Variants in AUTS2 observed in about 807,000 individuals in gnomAD.
AUTS2 encodes activator of transcription and developmental regulator AUTS2, also known as autism susceptibility gene 2 protein.
A neutral mutation model predicts 112.4 loss-of-function variants in AUTS2; 17 were observed. The ratio of observed to expected loss-of-function variants is 0.15; its 90% confidence interval spans 0.10 to 0.23. The LOEUF is 0.23. Among genes scored for constraint, AUTS2 ranks in the 10% least tolerant of loss-of-function variants. AUTS2 has a pLI of 1.00. For synonymous variants in AUTS2, 751 were observed against 702.7 expected (o/e 1.07, Z -1.09); for missense variants, 1,510 against 1,701.6 (o/e 0.89, Z 1.98).
At chr7:70,345,303 C>A (rs940889658) in intron 4 of AUTS2, among the ~76,000 whole-genome samples, 7 of 152,204 alleles carry the variant, frequency 4.6e-5, no homozygotes, top group African/African-American at 1.7e-4. Flanking sequence ...GCCATAACTT[C>A]CTATGACAGA....
chr7:70,183,443 C>A (rs527980968), intron 4 of AUTS2, among the ~76,000 whole-genome samples: 1 of 152,334 alleles, frequency 6.6e-6, no homozygotes. Flanking sequence ...TATTGCATTT[C>A]TTATCCTGGA....
At chr7:69,986,251 C>T (rs1798510859) in intron 2 of AUTS2, among the ~76,000 whole-genome samples, 1 of 152,162 alleles carries the variant, frequency 6.6e-6, no homozygotes, top group South Asian at 2.1e-4. Context: ...GTTACATCCC[C>T]AGCACCTAGT....
chr7:69,742,833 A>G (rs963101758), intron 1 of AUTS2, among the ~76,000 whole-genome samples: 1 of 152,164 alleles, frequency 6.6e-6, no homozygotes, highest in Non-Finnish European at 1.5e-5. Context: ...TGTGGTAATT[A>G]TTTGTTGCCT....
At chr7:69,969,705 T>G (rs1320446124) in intron 2 of AUTS2, among the ~76,000 whole-genome samples, 1 of 152,190 alleles carries the variant, frequency 6.6e-6, no homozygotes, top group Non-Finnish European at 1.5e-5. Flanking sequence ...AAGCCATTCT[T>G]ACAAAGGCTT....
chr7:70,061,830 C>T (rs951550489), intron 2 of AUTS2, among the ~76,000 whole-genome samples: 2 of 151,468 alleles, frequency 1.3e-5, no homozygotes, highest in Non-Finnish European at 2.9e-5. Flanking sequence ...TCTTGTTGCC[C>T]AGGCTGGACT....
At chr7:70,072,054 A>G (rs1802797533) in intron 2 of AUTS2, among the ~76,000 whole-genome samples, 1 of 152,226 alleles carries the variant, frequency 6.6e-6, no homozygotes, top group Non-Finnish European at 1.5e-5. Flanking sequence ...CTCTTATAGA[A>G]TTGGGAGAGA....
At chr7:70,208,239 A>G (rs1810678849) in intron 4 of AUTS2, among the ~76,000 whole-genome samples, 1 of 152,184 alleles carries the variant, frequency 6.6e-6, no homozygotes, top group Admixed American at 6.5e-5. Context: ...GGTGTATTCA[A>G]AATAAACTAC....
chr7:70,393,673 C>T (rs1793963642), intron 4 of AUTS2, among the ~76,000 whole-genome samples: 1 of 152,114 alleles, frequency 6.6e-6, no homozygotes, highest in Non-Finnish European at 1.5e-5. Context: ...TGCTCTTAGC[C>T]AGCCACCCAT....
chr7:70,080,525 A>C (rs974306703), intron 2 of AUTS2, among the ~76,000 whole-genome samples: 10 of 152,254 alleles, frequency 6.6e-5, no homozygotes, highest in Admixed American at 3.3e-4. Context: ...AGTAAAGTTT[A>C]GCATGTACTT....
At chr7:69,739,754 T>G (rs1787186168) in intron 1 of AUTS2, among the ~76,000 whole-genome samples, 1 of 152,216 alleles carries the variant, frequency 6.6e-6, no homozygotes, top group Admixed American at 6.5e-5. Flanking sequence ...AGGCTTTAAC[T>G]ATCAGATTTG....
chr7:69,760,568 A>C (rs1378083208), intron 1 of AUTS2, among the ~76,000 whole-genome samples: 1 of 152,078 alleles, frequency 6.6e-6, no homozygotes, highest in East Asian at 1.9e-4. Flanking sequence ...TCACGCCTGT[A>C]ATCCTAGCAC....
intron 5 of AUTS2, among the ~76,000 whole-genome samples, chr7:70,494,388 G>A (rs1012477450): frequency 6.6e-6 from 1 of 152,058 alleles, no homozygotes; most frequent in Non-Finnish European, 1.5e-5. Context: ...GTTGGCCTAA[G>A]GTTGAATCAG....
At chr7:69,943,687 A>C (rs1294138931) in intron 2 of AUTS2, among the ~76,000 whole-genome samples, 2 of 152,240 alleles carry the variant, frequency 1.3e-5, no homozygotes. Flanking sequence ...GAAAGAGAAC[A>C]AATTTTCCAT....
chr7:70,718,399 C>T (rs1375458324), intron 6 of AUTS2, among the ~76,000 whole-genome samples: 2 of 152,202 alleles, frequency 1.3e-5, no homozygotes, highest in African/African-American at 2.4e-5. Flanking sequence ...TGCAGTGGCT[C>T]ATGCCTGTAA....
intron 6 of AUTS2, among the ~76,000 whole-genome samples, chr7:70,748,289 G>T (rs1243709152): frequency 6.6e-6 from 1 of 152,158 alleles, no homozygotes; most frequent in African/African-American, 2.4e-5. Flanking sequence ...AATGGCAAAA[G>T]ATTTTATTTT....
chr7:70,609,031 T>C (rs1266711474), intron 5 of AUTS2, among the ~76,000 whole-genome samples: 1 of 152,248 alleles, frequency 6.6e-6, no homozygotes, highest in African/African-American at 2.4e-5. Context: ...TGTGGGATGA[T>C]GAAATTGAGC....
intron 5 of AUTS2, among the ~76,000 whole-genome samples, chr7:70,696,273 T>C (rs2129547148): frequency 6.6e-6 from 1 of 152,266 alleles, no homozygotes; most frequent in Middle Eastern, 3.4e-3. Context: ...CCGGCCACAG[T>C]TGTAACCACC....
chr7:70,649,571 C>T lies in AUTS2; in HGVS notation c.691-48998C>T, dbSNP rs193115907. 1.0e-3 allele frequency among the ~76,000 whole-genome samples: 156 copies of T among 151,772 alleles called. 1 individual carries two copies. Among genetic ancestry groups the T allele is most frequent in the African/African-American group, 3.2e-3 (133 of 41,340 alleles). On this transcript the variant is annotated intron_variant, in intron 5 of 18. Coordinates refer to ENST00000342771, the MANE Select transcript of AUTS2 (RefSeq NM_015570.4). Reference sequence around the variant, plus strand: ...TGAGACGGAGTCTCGCACTGTCACCCGGGCTGGAGTGCAGTAGTGCGATCT... The same window carrying T: ...TGAGACGGAGTCTCGCACTGTCACCTGGGCTGGAGTGCAGTAGTGCGATCT...
chr7:70,543,038 G>A (rs1800616367), intron 5 of AUTS2, among the ~76,000 whole-genome samples: 1 of 152,248 alleles, frequency 6.6e-6, no homozygotes, highest in African/African-American at 2.4e-5. Context: ...TAGCTAAAAA[G>A]GAACATGGAC....
Sources: gnomAD v4.1 joint callset for allele counts (sites outside exome capture counted in the v4.1 genomes callset) on GRCh38, gnomAD v4.1.1 for gene constraint, MANE v1.5 for transcripts, NCBI Gene and HGNC (gene_info 2026-07-23, HGNC 2026-07-21) for gene names.